Variants in LRRC4C observed in about 807,000 individuals in gnomAD.
LRRC4C encodes leucine rich repeat containing 4C.
In LRRC4C, 5 loss-of-function variants were observed where a neutral mutation model predicts 33.6. The observed-to-expected ratio is 0.15, with a 90% CI of 0.08 to 0.31. The LOEUF (loss-of-function observed/expected upper bound fraction) is 0.31. LRRC4C is among the 10% of genes least tolerant of loss of function. LRRC4C has a pLI of 1.00. For synonymous variants in LRRC4C, 329 were observed against 302.0 expected (o/e 1.09, Z -0.93); for missense variants, 560 against 796.7 (o/e 0.70, Z 3.58).
chr11:41,138,913 G>C (rs1476882192), intron 1 of LRRC4C, among the ~76,000 whole-genome samples: 2 of 152,144 alleles, frequency 1.3e-5, no homozygotes, highest in African/African-American at 4.8e-5. Flanking sequence ...GACATCTTTA[G>C]AGAGAACTTT....
At chr11:40,472,933 A>C (rs1953017161) in intron 3 of LRRC4C, among the ~76,000 whole-genome samples, 1 of 152,218 alleles carries the variant, frequency 6.6e-6, no homozygotes, top group Admixed American at 6.5e-5. Context: ...GAATAGAACA[A>C]TAACAAGTTC....
chr11:41,369,548 TAAA>T (rs377090325), intron 1 of LRRC4C, among the ~76,000 whole-genome samples: 1 of 141,964 alleles, frequency 7.0e-6, no homozygotes, highest in African/African-American at 2.6e-5. Flanking sequence ...AAATAAAAAT[TAAA>T]AAAAAAAAAG....
At chr11:40,784,883 GA>G (rs1950346936) in intron 2 of LRRC4C, among the ~76,000 whole-genome samples, 1 of 151,938 alleles carries the variant, frequency 6.6e-6, no homozygotes, top group Non-Finnish European at 1.5e-5. Flanking sequence ...AGATAAGGGG[GA>G]AAAACACAGA....
At chr11:40,742,294 GTTC>G (rs932701267) in intron 2 of LRRC4C, among the ~76,000 whole-genome samples, 3 of 151,984 alleles carry the variant, frequency 2.0e-5, no homozygotes, top group Non-Finnish European at 2.9e-5. Context: ...AACAGGATTA[GTTC>G]TTCTTGTTTC....
intron 1 of LRRC4C, among the ~76,000 whole-genome samples, chr11:41,399,601 G>T (rs1327363791): frequency 6.6e-6 from 1 of 151,952 alleles, no homozygotes; most frequent in Non-Finnish European, 1.5e-5. Context: ...CTTGCAGGGA[G>T]AAACTATTAA....
chr11:40,444,238 C>T (rs1051883928), intron 3 of LRRC4C, among the ~76,000 whole-genome samples: 1 of 151,968 alleles, frequency 6.6e-6, no homozygotes, highest in African/African-American at 2.4e-5. Flanking sequence ...CCTAAGAACA[C>T]AAGTAGTTAG....
chr11:41,350,509 C>CAAAAAAA (rs71063914), intron 1 of LRRC4C, among the ~76,000 whole-genome samples: 65 of 106,308 alleles, frequency 6.1e-4, no homozygotes, highest in East Asian at 8.1e-4. Context: ...GACTCCATCT[C>CAAAAAAA]AAAAAAAAAA....
At chr11:40,605,759 A>G (rs968484838) in intron 3 of LRRC4C, among the ~76,000 whole-genome samples, 1 of 152,214 alleles carries the variant, frequency 6.6e-6, no homozygotes, top group African/African-American at 2.4e-5. Context: ...AACAAAAGCA[A>G]TAGTTTGAAC....
At chr11:40,696,748 G>GTGTATATATATATATATAA (rs368234307) in intron 2 of LRRC4C, among the ~76,000 whole-genome samples, 1 of 125,896 alleles carries the variant, frequency 7.9e-6, no homozygotes, top group African/African-American at 3.1e-5. Flanking sequence ...TATACACTGT[G>GTGTATATATATATATATAA]TATATATATA....
chr11:40,432,553 G>C (rs1950976917), intron 3 of LRRC4C, among the ~76,000 whole-genome samples: 1 of 152,212 alleles, frequency 6.6e-6, no homozygotes. Context: ...GGTAGGACTA[G>C]CAGAAAACTG....
intron 2 of LRRC4C, among the ~76,000 whole-genome samples, chr11:40,767,084 T>C (rs1414681669): frequency 6.6e-6 from 1 of 151,630 alleles, no homozygotes; most frequent in African/African-American, 2.4e-5. Context: ...ACCGAAAGCA[T>C]ACTTCACCTA....
At chr11:40,276,245 A>G (rs865893704) in intron 4 of LRRC4C, among the ~76,000 whole-genome samples, 8 of 152,138 alleles carry the variant, frequency 5.3e-5, no homozygotes, top group African/African-American at 1.9e-4. Context: ...GATAAGTGCT[A>G]AATGCTGAGT....
At chr11:40,742,788 T>C (rs930781761) in intron 2 of LRRC4C, among the ~76,000 whole-genome samples, 6 of 152,120 alleles carry the variant, frequency 3.9e-5, no homozygotes, top group Admixed American at 3.9e-4. Flanking sequence ...CATTTTGTGA[T>C]CACCATTTGT....
chr11:40,266,986 C>G (rs1449112516), intron 4 of LRRC4C, among the ~76,000 whole-genome samples: 1 of 131,048 alleles, frequency 7.6e-6, no homozygotes, highest in Admixed American at 9.3e-5. Context: ...CTTTACTTCT[C>G]TTTGTCAAGG....
intron 3 of LRRC4C, among the ~76,000 whole-genome samples, chr11:40,499,732 A>G (rs960566900): frequency 1.3e-5 from 2 of 152,188 alleles, no homozygotes; most frequent in African/African-American, 4.8e-5. Context: ...AAAAGACACC[A>G]AAGGATTGAT....
intron 2 of LRRC4C, among the ~76,000 whole-genome samples, chr11:40,802,041 T>C (rs1453903944): frequency 6.6e-6 from 1 of 152,212 alleles, no homozygotes; most frequent in African/African-American, 2.4e-5. Context: ...CATTTTCCTC[T>C]GTGCTCACTG....
intron 1 of LRRC4C, among the ~76,000 whole-genome samples, chr11:41,456,957 G>T (rs1956188019): frequency 6.6e-6 from 1 of 152,142 alleles, no homozygotes; most frequent in South Asian, 2.1e-4. Context: ...CATTTCATAA[G>T]CTGTAATCAG....
chr11:40,702,447 C>G (rs761678022), intron 2 of LRRC4C, among the ~76,000 whole-genome samples: 12 of 152,084 alleles, frequency 7.9e-5, no homozygotes, highest in Admixed American at 2.0e-4. Flanking sequence ...TCCATTTTCT[C>G]TTTCCTTCTT....
intron 1 of LRRC4C, among the ~76,000 whole-genome samples, chr11:41,310,476 T>C (rs377703186): frequency 1.1e-4 from 16 of 152,316 alleles, no homozygotes; most frequent in African/African-American, 3.8e-4. Flanking sequence ...TGGATCAACT[T>C]TTCTAATTTC....
Sources: allele counts gnomAD v4.1 joint callset (sites outside exome capture counted in the v4.1 genomes callset), GRCh38; gene constraint gnomAD v4.1.1; transcripts MANE v1.5; gene names NCBI Gene and HGNC (gene_info 2026-07-23, HGNC 2026-07-21).